The following EMID1 variants were observed in gnomAD, a reference collection of about 807,000 sequenced individuals.
The protein encoded by EMID1 is EMI domain containing 1.
Under a neutral mutation model 60.6 loss-of-function variants are expected in EMID1, and 40 were observed. The observed-to-expected ratio is 0.66, with a 90% confidence interval of 0.51 to 0.86. The LOEUF (loss-of-function observed/expected upper bound fraction) is 0.86, where lower values mean the gene tolerates loss of function less well. EMID1 is among the 40% of genes least tolerant of loss of function. EMID1 has a pLI of 0.00. For missense variants in EMID1, 585 were observed against 597.1 expected (o/e 0.98, Z 0.21); for synonymous variants, 242 against 231.0 (o/e 1.05, Z -0.43).
intron 3 of EMID1, among the ~76,000 whole-genome samples, chr22:29,224,466 G>A (rs180827242): frequency 9.9e-5 from 15 of 152,278 alleles, no homozygotes; most frequent in Admixed American, 9.8e-4. Context: ...GGAGGGTGAG[G>A]GGGGTTCTCC....
At chr22:29,249,297 GTC>G (rs1241255261) in intron 13 of EMID1, among the ~76,000 whole-genome samples, 1 of 151,852 alleles carries the variant, frequency 6.6e-6, no homozygotes, top group African/African-American at 2.4e-5. Context: ...CCAGGACGGA[GTC>G]TCTGTCACCC....
rs140830568 is a variant in EMID1 at position 29,239,742 on chromosome 22, C to T, written c.1075-3703C>T. ...TTGGGGAAGGGAAGTGTTCTGGAGTCCTATGATTAGATCTCAGTCTTTTTT... is the reference window on the plus strand; with the variant it reads ...TTGGGGAAGGGAAGTGTTCTGGAGTTCTATGATTAGATCTCAGTCTTTTTT... On this transcript the variant is annotated intron_variant, in intron 12 of 14. Coordinates refer to ENST00000334018, the MANE Select transcript of EMID1 (RefSeq NM_133455.4). 2.0e-3 allele frequency among the ~76,000 whole-genome samples: 300 copies of T among 151,168 alleles called. 1 individual carries two copies. Among genetic ancestry groups the T allele is most frequent in the Middle Eastern group, 3.5e-3 (1 of 288 alleles).
chr22:29,214,993 C>A lies in EMID1; in HGVS notation c.169C>A (p.Arg57=). ...TGTGCAGAATGGCACCTACCTTCAG[C>A]GAGTGCTGCAGAACTGCCCCTGGCC... ...CHVQNGTYLQ[R]VLQNCPWPMS... The change falls in exon 2 of 15, where the codon CGA becomes AGA. Residue 57 remains arginine, a synonymous_variant. Transcript: ENST00000334018. 1 of 1,552,950 alleles carries A rather than the reference C, an allele frequency of 6.4e-7. No individual in the cohort carries two copies. The highest frequency in any genetic ancestry group is 8.7e-7 in the Non-Finnish European group (1 of 1,146,852).
At position 29,206,152 on chromosome 22, in the gene EMID1, G is replaced by T. The variant is rs551105113; in HGVS notation, c.101+13G>T. The T allele has an allele frequency of 2.4e-6, 3 of 1,229,162 alleles. No individual in the cohort carries two copies. The highest frequency in any genetic ancestry group is 3.0e-6 in the Non-Finnish European group (3 of 985,974). 76.1% of individuals were successfully genotyped at this position (1,229,162 alleles called of 1,614,324 possible). A position where few individuals can be genotyped will look rare whatever the true frequency, so the allele number is the denominator to read the frequency against. On this transcript the variant is annotated intron_variant, in intron 1 of 14. Coordinates refer to ENST00000334018, the MANE Select transcript of EMID1 (RefSeq NM_133455.4). ...TCTCCGGACGCAGGTAAGAGCTCCC[G>T]GCGCCTTTGCACCCCGCTGGCCGAG...
chr22:29,218,838 C>T (rs956254257), intron 3 of EMID1, among the ~76,000 whole-genome samples: 5 of 152,174 alleles, frequency 3.3e-5, no homozygotes, highest in East Asian at 1.9e-4. Context: ...CCCCACTGTC[C>T]GGATGATGAA....
At position 29,237,908 on chromosome 22, in the gene EMID1, G is replaced by A. The variant is rs1012242433; in HGVS notation, c.1074+3559G>A. Among the ~76,000 whole-genome samples the A allele has an allele frequency of 7.6e-5, 11 of 144,296 alleles. 3 individuals are homozygous for A. Among genetic ancestry groups the A allele is most frequent in the African/African-American group, 3.0e-4 (11 of 36,474 alleles). 94.7% of individuals were successfully genotyped at this position (144,296 alleles called of 152,430 possible). A position where few individuals can be genotyped will look rare whatever the true frequency, so the allele number is the denominator to read the frequency against. On this transcript the variant is annotated intron_variant, in intron 12 of 14. Coordinates refer to ENST00000334018, the MANE Select transcript of EMID1 (RefSeq NM_133455.4). ...TGGCTTTATTTGTGATTCTAGAATC[G>A]GGCAACACTTCATTCCATAAAATAA...
chr22:29,238,139 G>A lies in EMID1; in HGVS notation c.1074+3790G>A, dbSNP rs776643740. Among the ~76,000 whole-genome samples, 52 of 142,782 alleles carry A rather than the reference G, an allele frequency of 3.6e-4. 5 individuals are homozygous for A. The highest frequency in any genetic ancestry group is 6.9e-4 in the Non-Finnish European group (46 of 66,846). 93.7% of individuals were successfully genotyped at this position (142,782 alleles called of 152,430 possible). A position where few individuals can be genotyped will look rare whatever the true frequency, so the allele number is the denominator to read the frequency against. On this transcript the variant is annotated intron_variant, in intron 12 of 14. Coordinates refer to ENST00000334018, the MANE Select transcript of EMID1 (RefSeq NM_133455.4). Reference sequence around the variant, plus strand: ...TACTCTCCACTCTCTTGCTTGCATGGTTTCTGCAGAGTTGGTTGTAATTAT... The same window carrying A: ...TACTCTCCACTCTCTTGCTTGCATGATTTCTGCAGAGTTGGTTGTAATTAT...
At chr22:29,236,880 T>C (rs756503283) in intron 12 of EMID1, among the ~76,000 whole-genome samples, 19 of 149,602 alleles carry the variant, frequency 1.3e-4, no homozygotes, top group Non-Finnish European at 2.2e-4. Context: ...CACTACAAGC[T>C]CCGCCTCCCG....
At chr22:29,214,456 G>T (rs2040007492) in intron 1 of EMID1, among the ~76,000 whole-genome samples, 1 of 152,158 alleles carries the variant, frequency 6.6e-6, no homozygotes, top group African/African-American at 2.4e-5. Context: ...GATCCTGAGG[G>T]TTGGGGAGTT....
intron 6 of EMID1, chr22:29,231,354 C>T: frequency 1.2e-6 from 1 of 861,426 alleles, no homozygotes; most frequent in Non-Finnish European, 1.8e-6. Flanking sequence ...CCCCAGCAGA[C>T]CCTGCCTGGA....
At chr22:29,240,168 G>A (rs1197895741) in intron 12 of EMID1, among the ~76,000 whole-genome samples, 1 of 152,120 alleles carries the variant, frequency 6.6e-6, no homozygotes, top group Non-Finnish European at 1.5e-5. Context: ...TCACCAGTGT[G>A]TCTCAGTTGT....
chr22:29,232,357 C>T lies in EMID1; in HGVS notation c.778C>T (p.Pro260Ser), dbSNP rs773118816. 5.0e-6 allele frequency: 8 copies of T among 1,604,542 alleles called. No individual in the cohort carries two copies. Among genetic ancestry groups the T allele is most frequent in the Non-Finnish European group, 6.8e-6 (8 of 1,176,730 alleles). The part of the protein sequence containing the change: ...GPPGPPGPPG[P>S]PAPVGPPHAR... ...ACCAGGGCCTCCTGGCCCCCCTGGG[C>T]CCCCAGCCCCTGTTGGGCCACCCCA... Residue 260 changes from proline (P) to serine (S), a missense_variant, in exon 8 of 15, where the codon CCC becomes TCC. Coordinates refer to ENST00000334018, the MANE Select transcript of EMID1 (RefSeq NM_133455.4).
chr22:29,236,738 G>T (rs1211259395), intron 12 of EMID1, among the ~76,000 whole-genome samples: 1 of 151,252 alleles, frequency 6.6e-6, no homozygotes, highest in Non-Finnish European at 1.5e-5. Context: ...AATAAATGAA[G>T]TGTTATTTAT....
intron 14 of EMID1, chr22:29,255,268 C>T: frequency 7.0e-7 from 1 of 1,418,924 alleles, no homozygotes; most frequent in Non-Finnish European, 9.4e-7. Flanking sequence ...CATCTCCCAT[C>T]AGGCTCCTAG....
At chr22:29,223,273 A>T (rs377644725) in intron 3 of EMID1, among the ~76,000 whole-genome samples, 22 of 152,190 alleles carry the variant, frequency 1.4e-4, no homozygotes, top group African/African-American at 5.3e-4. Context: ...TAGAAGGTAG[A>T]TAATGCAATG....
At chr22:29,238,335 C>G (rs551189472) in intron 12 of EMID1, among the ~76,000 whole-genome samples, 22 of 137,834 alleles carry the variant, frequency 1.6e-4, no homozygotes, top group Non-Finnish European at 2.7e-4. Context: ...ACCTCAGAAG[C>G]CTTGAGGCTT....
chr22:29,206,174 C>A lies in EMID1; in HGVS notation c.101+35C>A, dbSNP rs1419956625. The A allele has an allele frequency of 5.7e-6, 7 of 1,218,460 alleles. No individual in the cohort carries two copies. The African/African-American group carries it at 1.1e-4, about 19-fold the overall frequency. 75.5% of individuals were successfully genotyped at this position (1,218,460 alleles called of 1,614,324 possible). A position where few individuals can be genotyped will look rare whatever the true frequency, so the allele number is the denominator to read the frequency against. ...CCCGGCGCCTTTGCACCCCGCTGGC[C>A]GAGGGTCCCGGCGCGCACACGCCCC... On this transcript the variant is annotated intron_variant, in intron 1 of 14. Transcript: ENST00000334018.
At chr22:29,232,122 AGG>A in intron 7 of EMID1, 132 bp from the exon 8 acceptor site, 1 of 948,430 alleles carries the variant, frequency 1.1e-6, no homozygotes, top group Middle Eastern at 3.3e-4. Context: ...TTAGACTACC[AGG>A]CAGCCTAGGC....
At chr22:29,251,326 C>G (rs2146441019) in intron 13 of EMID1, among the ~76,000 whole-genome samples, 1 of 151,884 alleles carries the variant, frequency 6.6e-6, no homozygotes, top group East Asian at 1.9e-4. Context: ...AAGCAGTCCA[C>G]CCACCTCAGC....
Sources: allele counts gnomAD v4.1 joint callset (sites outside exome capture counted in the v4.1 genomes callset), GRCh38; gene constraint gnomAD v4.1.1; transcripts MANE v1.5; gene names NCBI Gene and HGNC (gene_info 2026-07-23, HGNC 2026-07-21).